MYOM2: variants seen among roughly 807,000 people sequenced by gnomAD.
MYOM2 encodes the protein myomesin 2.
In MYOM2, 254 loss-of-function variants were observed where a neutral mutation model predicts 187.6. That is an observed-to-expected ratio of 1.35 (90% CI 1.22 to 1.50). The LOEUF (loss-of-function observed/expected upper bound fraction) is 1.50. Ranked by LOEUF, MYOM2 falls within the 40% of genes most tolerant of loss-of-function variation. The pLI is 0.00. For synonymous variants in MYOM2, 981 were observed against 753.8 expected (o/e 1.30, Z -4.94); for missense variants, 2,796 against 1,924.0 (o/e 1.45, Z -8.48).
chr8:2,085,609 TCTGCGTGGCCCC>T lies in MYOM2; in HGVS notation c.1644+221_1644+232del, dbSNP rs1819835969. Among the ~76,000 whole-genome samples the T allele has an allele frequency of 3.5e-3, 38 of 10,776 alleles. 9 individuals are homozygous for T. The highest frequency in any genetic ancestry group is 4.5e-3 in the Non-Finnish European group (32 of 7,036). 7.1% of individuals were successfully genotyped at this position (10,776 alleles called of 152,430 possible). ...TCTGCGTGGCCCCACTGTCGTGATC[TCTGCGTGGCCCC>T]CCACAGTCGTGATCTCTTTGTGGCC... On this transcript the variant is annotated intron_variant, in intron 14 of 36. Coordinates refer to ENST00000262113, the MANE Select transcript of MYOM2 (RefSeq NM_003970.4).
At chr8:2,107,525 G>A (rs1796934322) in intron 23 of MYOM2, among the ~76,000 whole-genome samples, 1 of 152,162 alleles carries the variant, frequency 6.6e-6, no homozygotes, top group Admixed American at 6.5e-5. Flanking sequence ...GGCTGGGCAG[G>A]AGGATGGGCA....
At chr8:2,141,120 G>C (rs112706626) in intron 33 of MYOM2, 21 bp from the exon 34 acceptor site, 14 of 1,609,160 alleles carry the variant, frequency 8.7e-6, no homozygotes, top group Non-Finnish European at 1.1e-5. Context: ...GGTTAGTAAC[G>C]TATGAACTAT....
At chr8:2,135,635 T>G (rs538065456) in intron 32 of MYOM2, among the ~76,000 whole-genome samples, 5 of 152,356 alleles carry the variant, frequency 3.3e-5, no homozygotes, top group South Asian at 4.1e-4. Context: ...TGTCTTATAT[T>G]AATGTGAACC....
At chr8:2,087,310 T>C (rs1796126928) in intron 14 of MYOM2, among the ~76,000 whole-genome samples, 1 of 152,144 alleles carries the variant, frequency 6.6e-6, no homozygotes, top group Non-Finnish European at 1.5e-5. Context: ...CTAGCACCAC[T>C]CAATGCAGCA....
At chr8:2,129,079 C>G (rs543541562) in intron 31 of MYOM2, 48 bp from the exon 32 acceptor site, 1 of 1,396,964 alleles carries the variant, frequency 7.2e-7, no homozygotes, top group Non-Finnish European at 1.0e-6. Context: ...TGTGATCACA[C>G]AGCAGGCACT....
chr8:2,142,127 C>T (rs535579109), intron 34 of MYOM2, among the ~76,000 whole-genome samples: 67 of 151,648 alleles, frequency 4.4e-4, no homozygotes, highest in African/African-American at 1.6e-3. Context: ...CTAAACTTTT[C>T]TGTGGGTTTT....
intron 18 of MYOM2, chr8:2,098,126 T>C (rs1328285856): frequency 2.0e-5 from 3 of 152,254 alleles, no homozygotes; most frequent in Non-Finnish European, 4.4e-5. Flanking sequence ...CTGCTTACTT[T>C]CTGAGTGCTT....
chr8:2,091,617 C>T (rs565103696), intron 15 of MYOM2, among the ~76,000 whole-genome samples: 4 of 152,216 alleles, frequency 2.6e-5, no homozygotes, highest in African/African-American at 4.8e-5. Context: ...AACAAGGTCA[C>T]GAGGCCGGCT....
chr8:2,057,497 C>G lies in MYOM2; in HGVS notation c.402+11C>G. ...GCCATTCAGCAGATGGTAGGAGGGT[C>G]TCAGGGTGGCTGGGTGTCTGGGAAG... On this transcript the variant is annotated intron_variant, in intron 4 of 36. Transcript: ENST00000262113. 1.2e-6 allele frequency: 2 copies of G among 1,613,876 alleles called. No individual in the cohort carries two copies. Among genetic ancestry groups the G allele is most frequent in the Non-Finnish European group, 1.7e-6 (2 of 1,179,878 alleles).
intron 6 of MYOM2, among the ~76,000 whole-genome samples, chr8:2,066,007 AG>A (rs1249609053): frequency 6.6e-6 from 1 of 152,188 alleles, no homozygotes; most frequent in Non-Finnish European, 1.5e-5. Flanking sequence ...AGGGTTTTCA[AG>A]GGGTTGGCTG....
chr8:2,087,115 G>C (rs1051160808), intron 14 of MYOM2, among the ~76,000 whole-genome samples: 1 of 152,176 alleles, frequency 6.6e-6, no homozygotes, highest in Non-Finnish European at 1.5e-5. Context: ...CCACTAATCT[G>C]ACTTGGTGAC....
intron 25 of MYOM2, among the ~76,000 whole-genome samples, chr8:2,110,537 G>A (rs1345081084): frequency 6.6e-6 from 1 of 152,160 alleles, no homozygotes; most frequent in Admixed American, 6.5e-5. Context: ...CTATTTCATG[G>A]GGACTTTATT....
intron 13 of MYOM2, among the ~76,000 whole-genome samples, chr8:2,084,330 C>T (rs527954239): frequency 1.2e-4 from 18 of 152,290 alleles, no homozygotes; most frequent in African/African-American, 4.1e-4. Flanking sequence ...CAACAGGGCT[C>T]AGGAAACGAA....
In MYOM2 at chr8:2,108,836, T is replaced by G; in HGVS notation, c.3043+6T>G. 1 of 1,613,878 alleles carries G rather than the reference T, an allele frequency of 6.2e-7. No homozygotes were observed. Among genetic ancestry groups the G allele is most frequent in the South Asian group, 1.1e-5 (1 of 90,998 alleles). On this transcript the variant is annotated splice_donor_region_variant and intron_variant, in intron 24 of 36. Transcript: ENST00000262113. ...CAATGAAATAAAGAACCCCAGTAAG[T>G]AAGCCTCCAGCCCTTCCCCTCTGCT... is the stretch of plus-strand genomic sequence containing the variant.
chr8:2,120,690 AT>A (rs1797417527), intron 28 of MYOM2, among the ~76,000 whole-genome samples: 1 of 40,662 alleles, frequency 2.5e-5, no homozygotes, highest in Non-Finnish European at 4.8e-5. Context: ...TTATATATAA[AT>A]ATATAATATA....
At chr8:2,122,888 A>G (rs923730524) in intron 28 of MYOM2, among the ~76,000 whole-genome samples, 6 of 152,208 alleles carry the variant, frequency 3.9e-5, no homozygotes, top group African/African-American at 1.4e-4. Flanking sequence ...CAGACCCCTC[A>G]GAATATTCTC....
intron 15 of MYOM2, among the ~76,000 whole-genome samples, chr8:2,091,249 G>C (rs972671969): frequency 6.6e-6 from 1 of 151,736 alleles, no homozygotes; most frequent in Non-Finnish European, 1.5e-5. Flanking sequence ...TCACCATATT[G>C]CCCAGGCCAG....
At chr8:2,052,558 GCGTTGCTGTTCAGAGCGCTCACGC>G (rs1818527875) in intron 3 of MYOM2, among the ~76,000 whole-genome samples, 1 of 152,222 alleles carries the variant, frequency 6.6e-6, no homozygotes, top group Non-Finnish European at 1.5e-5. Flanking sequence ...GCAGAAGAGA[GCGTTGCTGTTCAGAGCGCTCACGC>G]CACTGCCCAG....
At chr8:2,134,026 C>CCCT in intron 32 of MYOM2, among the ~76,000 whole-genome samples, 1 of 152,204 alleles carries the variant, frequency 6.6e-6, no homozygotes, top group African/African-American at 2.4e-5. Flanking sequence ...GCCACCTCCA[C>CCCT]CGTCTTCCCC....
Sources: allele counts gnomAD v4.1 joint callset (sites outside exome capture counted in the v4.1 genomes callset), GRCh38; gene constraint gnomAD v4.1.1; transcripts MANE v1.5; gene names NCBI Gene and HGNC (gene_info 2026-07-23, HGNC 2026-07-21).